The following RRP15 variants were observed in gnomAD, a reference collection of about 807,000 sequenced individuals.
RRP15 encodes the protein RRP15-like protein.
RRP15 carries 18 observed loss-of-function variants against 27.1 expected under a neutral mutation model. That is an observed-to-expected ratio of 0.66 (90% CI 0.46 to 0.98). RRP15 has a LOEUF of 0.98. Among genes scored for constraint, RRP15 ranks in the 50% least tolerant of loss-of-function variants. The probability of loss-of-function intolerance (pLI) is 0.00; values close to 1 mark genes in which losing one functional copy is unlikely to be tolerated. For synonymous variants in RRP15, 107 were observed against 109.4 expected, an observed-to-expected ratio of 0.98 and a Z score of 0.14; for missense variants, 359 against 337.8, an observed-to-expected ratio of 1.06 and a Z score of -0.49.
chr1:218,286,533 T>C (rs564129800), intron 1 of RRP15, among the ~76,000 whole-genome samples: 98 of 152,236 alleles, frequency 6.4e-4, no homozygotes, highest in Non-Finnish European at 1.3e-3. Context: ...TGCCTTCTTT[T>C]CTTCACTTTT....
chr1:218,323,160 C>CA (rs1355680332), intron 4 of RRP15, among the ~76,000 whole-genome samples: 1 of 152,230 alleles, frequency 6.6e-6, no homozygotes, highest in Non-Finnish European at 1.5e-5. Flanking sequence ...CGAAGGGCTG[C>CA]AGCTCTTCTC....
chr1:218,330,355 A>G (rs1341437828), intron 4 of RRP15, among the ~76,000 whole-genome samples: 1 of 152,226 alleles, frequency 6.6e-6, no homozygotes, highest in Non-Finnish European at 1.5e-5. Flanking sequence ...TAATTTCAAC[A>G]TACGATTAGT....
rs1209984509 is a variant in RRP15, at chr1:218,320,017, G to GTT, written c.706-10917_706-10916dup. Among the ~76,000 whole-genome samples, 189 of 124,084 alleles carry GTT rather than the reference G, an allele frequency of 1.5e-3. 1 individual carries two copies. The highest frequency in any genetic ancestry group is 5.1e-3 in the African/African-American group (177 of 34,560). 81.4% of individuals were successfully genotyped at this position (124,084 alleles called of 152,430 possible). On this transcript the variant is annotated intron_variant, in intron 4 of 4. Coordinates refer to ENST00000366932, the MANE Select transcript of RRP15 (RefSeq NM_016052.4). Reference sequence around the variant, plus strand: ...ACATTTGACTTTTCAGGTACCTTAGGTTTTTTTTTTTTTTTACTATGTTTT... The same window carrying GTT: ...ACATTTGACTTTTCAGGTACCTTAGGTTTTTTTTTTTTTTTTTACTATGTTTT...
intron 1 of RRP15, among the ~76,000 whole-genome samples, 173 bp downstream of exon 1, chr1:218,285,628 G>A (rs1655533575): frequency 6.6e-6 from 1 of 152,146 alleles, no homozygotes; most frequent in African/African-American, 2.4e-5. Flanking sequence ...GTTCAGAGAA[G>A]TAACGCTGTC....
intron 4 of RRP15, among the ~76,000 whole-genome samples, chr1:218,311,710 A>G (rs1212213678): frequency 6.6e-6 from 1 of 151,880 alleles, no homozygotes; most frequent in Non-Finnish European, 1.5e-5. Context: ...TAAACGTCTT[A>G]TTTTCTCTTG....
Position 218,331,215 on chromosome 1 carries a change from A to G in RRP15, c.*124A>G. On this transcript the variant is annotated 3_prime_UTR_variant, in exon 5 of 5. Coordinates refer to ENST00000366932, the MANE Select transcript of RRP15 (RefSeq NM_016052.4). The stretch of plus-strand genomic sequence containing the variant: ...AGCCAAAAGACTTTTGCCAGATTTC[A>G]TATTTCCCCTTTTCATGTACACTTT... 1 of 812,202 alleles carries G rather than the reference A, an allele frequency of 1.2e-6. No homozygotes were observed. Among genetic ancestry groups the G allele is most frequent in the Non-Finnish European group, 1.9e-6 (1 of 538,046 alleles). The allele number at this position is 812,202 out of a possible 1,614,324, so 50.3% of individuals were successfully genotyped here.
At chr1:218,318,774 C>A (rs1656130545) in intron 4 of RRP15, among the ~76,000 whole-genome samples, 1 of 151,584 alleles carries the variant, frequency 6.6e-6, no homozygotes, top group African/African-American at 2.4e-5. Context: ...TGCACCCTCC[C>A]CACCTCCCAG....
chr1:218,319,749 A>G (rs1210885608), intron 4 of RRP15, among the ~76,000 whole-genome samples: 1 of 152,140 alleles, frequency 6.6e-6, no homozygotes, highest in Non-Finnish European at 1.5e-5. Flanking sequence ...ACTTTTACAT[A>G]TGTTTTCTTA....
At chr1:218,321,314 A>G (rs60536092) in intron 4 of RRP15, among the ~76,000 whole-genome samples, 5,033 of 152,272 alleles carry the variant, frequency 0.033, 264 homozygotes, top group African/African-American at 0.11. Context: ...TTTACTTTTC[A>G]TTTGATATAA....
intron 4 of RRP15, among the ~76,000 whole-genome samples, chr1:218,316,792 G>A (rs1316006378): frequency 6.6e-6 from 1 of 152,134 alleles, no homozygotes; most frequent in African/African-American, 2.4e-5. Context: ...TCTAAAAATT[G>A]TAGTCAAAGA....
In RRP15 at chr1:218,336,957, T is replaced by G. The variant is rs901410237; in HGVS notation, c.*5866T>G. On this transcript the variant is annotated 3_prime_UTR_variant, in exon 5 of 5. Transcript: ENST00000366932. ...CATTTTAAGAAATACCAGTGTTCGT[T>G]GTTAGATGAGAGACAGCATAATTTT... is the stretch of plus-strand genomic sequence containing the variant. 6.6e-6 allele frequency: 1 copy of G among 152,198 alleles called. No individual in the cohort carries two copies. The highest frequency in any genetic ancestry group is 1.5e-5 in the Non-Finnish European group (1 of 68,028). 9.4% of individuals were successfully genotyped at this position (152,198 alleles called of 1,614,324 possible).
intron 3 of RRP15, among the ~76,000 whole-genome samples, chr1:218,305,910 G>A (rs1447757148): frequency 2.0e-5 from 3 of 152,266 alleles, no homozygotes; most frequent in South Asian, 4.2e-4. Context: ...CTTACTAGCA[G>A]TGTGTCCCTG....
intron 4 of RRP15, among the ~76,000 whole-genome samples, chr1:218,316,111 C>A (rs1286313021): frequency 1.3e-5 from 2 of 152,128 alleles, no homozygotes; most frequent in Admixed American, 6.5e-5. Context: ...ATTTGAACAA[C>A]AGTTTTAATC....
At chr1:218,312,452 GAA>G (rs1656016801) in intron 4 of RRP15, among the ~76,000 whole-genome samples, 1 of 151,804 alleles carries the variant, frequency 6.6e-6, no homozygotes, top group South Asian at 2.1e-4. Context: ...ATAGGGCTAT[GAA>G]AAAAGATACT....
At chr1:218,285,976 C>T (rs1346054805) in intron 1 of RRP15, among the ~76,000 whole-genome samples, 2 of 152,090 alleles carry the variant, frequency 1.3e-5, no homozygotes, top group Non-Finnish European at 2.9e-5. Flanking sequence ...CTCTCAGAGA[C>T]GCTTGATAAT....
intron 1 of RRP15, among the ~76,000 whole-genome samples, chr1:218,286,557 T>C (rs547706826): frequency 6.6e-6 from 1 of 152,220 alleles, no homozygotes; most frequent in Non-Finnish European, 1.5e-5. Flanking sequence ...CTTATTGCCC[T>C]GCTTTATTTT....
Position 218,337,821 on chromosome 1 carries a change from A to C in RRP15, c.*6730A>C, listed in dbSNP as rs1047790410. 4 of 152,218 alleles carry C rather than the reference A, an allele frequency of 2.6e-5. No homozygotes were observed. Among genetic ancestry groups the C allele is most frequent in the Non-Finnish European group, 4.4e-5 (3 of 68,028 alleles). The allele number at this position is 152,218 out of a possible 1,614,324, so 9.4% of individuals were successfully genotyped here. On this transcript the variant is annotated 3_prime_UTR_variant, in exon 5 of 5. Coordinates refer to ENST00000366932, the MANE Select transcript of RRP15 (RefSeq NM_016052.4). ...GCATTATTGATATTAGCTGTATTAGATGACTGTATGAAGAGTCCTGTTTGC... is the reference window on the plus strand; with the variant it reads ...GCATTATTGATATTAGCTGTATTAGCTGACTGTATGAAGAGTCCTGTTTGC...
chr1:218,307,122 G>C (rs539590281), intron 3 of RRP15, among the ~76,000 whole-genome samples: 69 of 152,248 alleles, frequency 4.5e-4, no homozygotes, highest in African/African-American at 1.6e-3. Context: ...AAGCTACTGA[G>C]GCATTATTTT....
Position 218,307,499 on chromosome 1 carries a change from C to T in RRP15, c.572C>T (p.Ala191Val). 1 of 1,613,946 alleles carries T rather than the reference C, an allele frequency of 6.2e-7. No individual in the cohort carries two copies. The highest frequency in any genetic ancestry group is 1.1e-5 in the South Asian group (1 of 91,074). Reference protein sequence around the residue: ...QKNVDEKVKEAGSSMRKRAKL... With the variant: ...QKNVDEKVKEVGSSMRKRAKL... Reference sequence around the variant, plus strand: ...AATGTTGATGAAAAGGTTAAGGAAGCTGGAAGTTCTATGAGAAAGCGTGCT... The same window carrying T: ...AATGTTGATGAAAAGGTTAAGGAAGTTGGAAGTTCTATGAGAAAGCGTGCT... Residue 191 changes from alanine (A) to valine (V), a missense_variant, in exon 4 of 5, where the codon GCT (alanine) becomes GTT (valine). Coordinates refer to ENST00000366932, the MANE Select transcript of RRP15 (RefSeq NM_016052.4).
Sources: gnomAD v4.1 joint callset for allele counts (sites outside exome capture counted in the v4.1 genomes callset) on GRCh38, gnomAD v4.1.1 for gene constraint, MANE v1.5 for transcripts, NCBI Gene and HGNC (gene_info 2026-07-23, HGNC 2026-07-21) for gene names.